Variants in ZNF438 observed in about 807,000 individuals in gnomAD.
ZNF438 encodes the protein zinc finger protein 438.
In ZNF438, 25 loss-of-function variants were observed where a neutral mutation model predicts 38.0. That is an observed-to-expected ratio of 0.66 (90% CI 0.48 to 0.92). The LOEUF (loss-of-function observed/expected upper bound fraction) is 0.92. ZNF438 is among the 40% of genes least tolerant of loss of function. The pLI, the probability that ZNF438 is intolerant of heterozygous loss-of-function variation, is 0.00. For synonymous variants in ZNF438, 372 were observed against 364.1 expected, an observed-to-expected ratio of 1.02 and a Z score of -0.25; for missense variants, 1,007 against 999.6, an observed-to-expected ratio of 1.01 and a Z score of -0.10.
At chr10:30,848,384 A>G in intron 5 of ZNF438, 147 bp downstream of exon 6, 1 of 924,046 alleles carries the variant, frequency 1.1e-6, no homozygotes, top group East Asian at 2.6e-5. Context: ...ATCATTCTTC[A>G]CAGATCTAGG....
intron 1 of ZNF438, among the ~76,000 whole-genome samples, chr10:30,980,991 C>T (rs1197162684): frequency 6.6e-6 from 1 of 152,234 alleles, no homozygotes; most frequent in Non-Finnish European, 1.5e-5. Context: ...TTTCACCTGT[C>T]AGCTGTTCAA....
At chr10:30,931,209 C>T (rs2045656741) in intron 2 of ZNF438, among the ~76,000 whole-genome samples, 1 of 152,208 alleles carries the variant, frequency 6.6e-6, no homozygotes, top group Admixed American at 6.5e-5. Flanking sequence ...CCATCTTGAG[C>T]TGCTAGTGGT....
intron 2 of ZNF438, among the ~76,000 whole-genome samples, chr10:30,928,745 C>A (rs2045265152): frequency 6.6e-6 from 1 of 152,144 alleles, no homozygotes; most frequent in African/African-American, 2.4e-5. Context: ...GGTCTAGATT[C>A]TCTGTAGTTC....
chr10:30,896,258 G>A (rs574174764), intron 3 of ZNF438, among the ~76,000 whole-genome samples: 111 of 149,000 alleles, frequency 7.4e-4, no homozygotes, highest in Non-Finnish European at 1.3e-3. Flanking sequence ...ACCGCGCCAC[G>A]GCACTCCAGC....
At chr10:30,982,712 T>C (rs1438709287) in intron 1 of ZNF438, among the ~76,000 whole-genome samples, 1 of 152,188 alleles carries the variant, frequency 6.6e-6, no homozygotes, top group African/African-American at 2.4e-5. Context: ...AAGACCTGCA[T>C]GGCTACTTTA....
chr10:31,005,271 A>ATG (rs965494431), intron 1 of ZNF438, among the ~76,000 whole-genome samples: 1 of 152,058 alleles, frequency 6.6e-6, no homozygotes, highest in East Asian at 1.9e-4. Context: ...GTGTGTACAT[A>ATG]TGTGTGTGTG....
chr10:30,852,937 A>G (rs58012964), intron 4 of ZNF438, among the ~76,000 whole-genome samples: 58,192 of 151,862 alleles, frequency 0.38, 11,432 homozygotes, highest in Admixed American at 0.41. Flanking sequence ...TTAAATTTAA[A>G]TGTTTTTCAT....
chr10:30,990,412 G>A (rs145819725), intron 1 of ZNF438, among the ~76,000 whole-genome samples: 16 of 152,286 alleles, frequency 1.1e-4, no homozygotes, highest in African/African-American at 3.8e-4. Context: ...AACATTGACA[G>A]TAGGTTATCC....
intron 1 of ZNF438, among the ~76,000 whole-genome samples, chr10:30,997,306 T>A (rs1471629325): frequency 6.6e-6 from 1 of 152,094 alleles, no homozygotes; most frequent in African/African-American, 2.4e-5. Context: ...AGGTTCTTAT[T>A]AGGAGGAACA....
At chr10:30,881,422 C>T (rs1282961770) in intron 3 of ZNF438, among the ~76,000 whole-genome samples, 3 of 152,048 alleles carry the variant, frequency 2.0e-5, no homozygotes, top group Middle Eastern at 3.4e-3. Context: ...ATAAGCCTGG[C>T]AAAGTATGTG....
At chr10:30,858,774 CT>C (rs2035101971) in intron 4 of ZNF438, among the ~76,000 whole-genome samples, 1 of 152,110 alleles carries the variant, frequency 6.6e-6, no homozygotes, top group Non-Finnish European at 1.5e-5. Context: ...CCTTGACATA[CT>C]TGTGTGTTCT....
chr10:30,874,114 GTATATATATATATATATATATATATATA>G (rs58422289), intron 4 of ZNF438, among the ~76,000 whole-genome samples: 7 of 80,302 alleles, frequency 8.7e-5, no homozygotes, highest in South Asian at 3.9e-4. Context: ...GTGTGTGTGT[GTATATATATATATATATATATATATATA>G]TATATATATA....
intron 2 of ZNF438, among the ~76,000 whole-genome samples, chr10:30,923,629 A>G (rs1056607903): frequency 1.3e-5 from 2 of 152,150 alleles, no homozygotes; most frequent in Non-Finnish European, 2.9e-5. Flanking sequence ...ATGCTTCCAC[A>G]TATAGGTGGA....
At chr10:30,874,907 G>T (rs1402377289) in intron 4 of ZNF438, among the ~76,000 whole-genome samples, 1 of 151,722 alleles carries the variant, frequency 6.6e-6, no homozygotes, top group African/African-American at 2.4e-5. Flanking sequence ...TCACTTACTG[G>T]TTGGTGGTCT....
At chr10:30,856,852 C>G (rs889323353) in intron 4 of ZNF438, among the ~76,000 whole-genome samples, 12 of 152,072 alleles carry the variant, frequency 7.9e-5, no homozygotes, top group African/African-American at 2.9e-4. Context: ...GTTAAGCATA[C>G]TAAAATAACA....
At chr10:30,867,097 T>C (rs1232168093) in intron 4 of ZNF438, among the ~76,000 whole-genome samples, 1 of 152,194 alleles carries the variant, frequency 6.6e-6, no homozygotes, top group Non-Finnish European at 1.5e-5. Context: ...TGACAAACTT[T>C]GGCATAGTAT....
chr10:30,850,207 G>C, exon 5 of ZNF438: 1 of 1,614,128 alleles, frequency 6.2e-7, no homozygotes, highest in Non-Finnish European at 8.5e-7. Flanking sequence ...AGTTGATGGA[G>C]GGTCCCAGAT....
chr10:30,851,531 G>C (rs1250063807), intron 4 of ZNF438, among the ~76,000 whole-genome samples: 1 of 152,220 alleles, frequency 6.6e-6, no homozygotes, highest in Non-Finnish European at 1.5e-5. Context: ...GGAAGATGTG[G>C]TTTGGAATTT....
At chr10:30,924,386 G>A (rs2044672854) in intron 2 of ZNF438, among the ~76,000 whole-genome samples, 1 of 152,196 alleles carries the variant, frequency 6.6e-6, no homozygotes, top group Non-Finnish European at 1.5e-5. Flanking sequence ...GAGAAAATAG[G>A]AACTCTAGAG....
Sources: allele counts gnomAD v4.1 joint callset (sites outside exome capture counted in the v4.1 genomes callset), GRCh38; gene constraint gnomAD v4.1.1; transcripts MANE v1.5; gene names NCBI Gene and HGNC (gene_info 2026-07-23, HGNC 2026-07-21).